ZNF597: variants seen among roughly 807,000 people sequenced by gnomAD.
The protein encoded by ZNF597 is zinc finger protein 597.
Under a neutral mutation model 7.3 loss-of-function variants are expected in ZNF597, and 5 were observed. The observed-to-expected ratio is 0.68, with a 90% CI of 0.36 to 1.44. The LOEUF is 1.44. ZNF597 is among the 40% of genes most tolerant of loss of function. ZNF597 has a pLI of 0.04. For missense variants in ZNF597, 585 were observed against 517.9 expected, an observed-to-expected ratio of 1.13 and a Z score of -1.26; for synonymous variants, 209 against 185.4, an observed-to-expected ratio of 1.13 and a Z score of -1.04.
rs912405507 is a variant in ZNF597, at chr16:3,443,117, T to C, written c.33+4A>G. On this transcript the variant is annotated splice_donor_region_variant and intron_variant, in intron 2 of 3. Transcript: ENST00000301744. Reference sequence around the variant, plus strand: ...ACTTGGACGAAAAAGGTACCTCGACTCACCTGGGCCTCGGGCGTCGGGGGC... The same window carrying C: ...ACTTGGACGAAAAAGGTACCTCGACCCACCTGGGCCTCGGGCGTCGGGGGC... The C allele has an allele frequency of 6.2e-7, 1 of 1,614,100 alleles. No homozygotes were observed. Among genetic ancestry groups the C allele is most frequent in the Non-Finnish European group, 8.5e-7 (1 of 1,179,992 alleles).
chr16:3,443,302 T>A, intron 1 of ZNF597, 58 bp downstream of exon 1: 1 of 694,284 alleles, frequency 1.4e-6, no homozygotes, highest in Non-Finnish European at 2.2e-6. Flanking sequence ...AACCCCCCCT[T>A]AAAAACCTAC....
chr16:3,443,239 C>T, intron 1 of ZNF597, 33 bp from the exon 2 acceptor site: 1 of 1,413,406 alleles, frequency 7.1e-7, no homozygotes. Context: ...TTAAAGGGAC[C>T]AATTCCGCTG....
At chr16:3,438,161 G>A (rs1170788821) in intron 3 of ZNF597, among the ~76,000 whole-genome samples, 1 of 148,978 alleles carries the variant, frequency 6.7e-6, no homozygotes, top group Non-Finnish European at 1.5e-5. Flanking sequence ...GAGCTCAGGA[G>A]TTTGAGATGT....
rs748803677 is a variant in ZNF597 at position 3,436,857 on chromosome 16, G to A, written c.842C>T (p.Pro281Leu). ...TNCDKHFNEK[P>L]NLALPEETFV... ...TGTTTCCTCAGGCAAAGCAAGATTT[G>A]GTTTCTCATTAAAATGTTTATCACA... Residue 281 changes from proline to leucine, a missense_variant, in exon 4 of 4, where the codon CCA becomes CTA. Pro to Leu is a moderately conservative substitution (Grantham distance 98). Transcript: ENST00000301744. 1.4e-5 allele frequency: 23 copies of A among 1,613,968 alleles called. No homozygotes were observed. In the South Asian group the frequency reaches 1.9e-4, roughly 13 times the overall value.
chr16:3,442,811 G>C (rs2034408791), intron 2 of ZNF597, among the ~76,000 whole-genome samples: 1 of 152,134 alleles, frequency 6.6e-6, no homozygotes, highest in Admixed American at 6.5e-5. Context: ...ACTCCAGCCA[G>C]ACAAGCAACA....
At position 3,437,164 on chromosome 16, in the gene ZNF597, A is replaced by G. The variant is rs749531628; in HGVS notation, c.535T>C (p.Ser179Pro). The G allele has an allele frequency of 1.2e-5, 20 of 1,614,096 alleles. No homozygotes were observed. The East Asian group carries it at 4.2e-4, about 34-fold the overall frequency. ...CCACATTTATGTTTTTTCTCTCCTG[A>G]ATGAATTTTCTGATGCAAAACTAGG... ...SYLVLHQKIH[S>P]GEKKHKCGDC... Residue 179 changes from serine (S) to proline (P), a missense_variant, in exon 4 of 4, where the codon TCA becomes CCA. Ser to Pro is a moderately conservative substitution (Grantham distance 74). Coordinates refer to ENST00000301744, the MANE Select transcript of ZNF597 (RefSeq NM_152457.3).
At chr16:3,443,090 A>C (rs755588079) in intron 2 of ZNF597, 31 bp downstream of exon 2, 4 of 1,614,148 alleles carry the variant, frequency 2.5e-6, no homozygotes, top group Non-Finnish European at 3.4e-6. Flanking sequence ...AAGCAGCAAT[A>C]AACTTGGACG....
intron 3 of ZNF597, among the ~76,000 whole-genome samples, chr16:3,439,476 A>G (rs1457525338): frequency 1.3e-5 from 2 of 152,208 alleles, no homozygotes; most frequent in Non-Finnish European, 2.9e-5. Context: ...CCTAAAAGGA[A>G]TAACAGAGCA....
rs2150931813 is a variant in ZNF597, at chr16:3,434,516, G to A, written c.*1908C>T. On this transcript the variant is annotated 3_prime_UTR_variant, in exon 4 of 4. Coordinates refer to ENST00000301744, the MANE Select transcript of ZNF597 (RefSeq NM_152457.3). The stretch of plus-strand genomic sequence containing the variant: ...AGCCAAAGTCTGACCTTGACATACA[G>A]AGCAGCACATTGTCTCAACTGTGGA... The A allele has an allele frequency of 6.6e-6, 1 of 152,322 alleles. No homozygotes were observed. The highest frequency in any genetic ancestry group is 1.9e-4 in the East Asian group (1 of 5,190). The allele number at this position is 152,322 out of a possible 1,614,324, so 9.4% of individuals were successfully genotyped here.
chr16:3,440,965 G>C, intron 2 of ZNF597, 32 bp from the exon 3 acceptor site: 1 of 1,605,168 alleles, frequency 6.2e-7, no homozygotes, highest in Non-Finnish European at 8.5e-7. Flanking sequence ...CAGCACAAGA[G>C]GGTGGAGGGT....
At chr16:3,442,555 G>A (rs1344373791) in intron 2 of ZNF597, among the ~76,000 whole-genome samples, 2 of 151,976 alleles carry the variant, frequency 1.3e-5, no homozygotes, top group Admixed American at 6.6e-5. Flanking sequence ...GGCGCCTGTA[G>A]TCCCATCTAC....
At chr16:3,437,585 G>A in intron 3 of ZNF597, 47 bp from the exon 4 acceptor site, 1 of 1,527,592 alleles carries the variant, frequency 6.5e-7, no homozygotes, top group South Asian at 1.3e-5. Flanking sequence ...ATATCTTCAA[G>A]GGATACTGGG....
In ZNF597 at chr16:3,432,595, G is replaced by C. The variant is rs2034266515; in HGVS notation, c.*3829C>G. Reference sequence around the variant, plus strand: ...AAATAGAATTCTGAGGTATCCAAAGGAACTGGAGATTACAGCACATTCTTA... The same window carrying C: ...AAATAGAATTCTGAGGTATCCAAAGCAACTGGAGATTACAGCACATTCTTA... On this transcript the variant is annotated 3_prime_UTR_variant, in exon 4 of 4. Transcript: ENST00000301744. 1.3e-5 allele frequency: 2 copies of C among 152,042 alleles called. No homozygotes were observed. Among genetic ancestry groups the C allele is most frequent in the Admixed American group, 6.6e-5 (1 of 15,266 alleles). The allele number at this position is 152,042 out of a possible 1,614,324, so 9.4% of individuals were successfully genotyped here. A position where few individuals can be genotyped will look rare whatever the true frequency, so the allele number is the denominator to read the frequency against.
chr16:3,438,901 T>G (rs1596267462), intron 3 of ZNF597, among the ~76,000 whole-genome samples: 1 of 152,218 alleles, frequency 6.6e-6, no homozygotes, highest in Non-Finnish European at 1.5e-5. Flanking sequence ...TTTTCCCAAC[T>G]CACTGACTAG....
chr16:3,439,382 C>CA (rs140245759), intron 3 of ZNF597, among the ~76,000 whole-genome samples: 7,228 of 148,386 alleles, frequency 0.049, 361 homozygotes, highest in African/African-American at 0.13. Context: ...GATACTGTAT[C>CA]AAAAAAAAAA....
chr16:3,443,244 C>A, intron 1 of ZNF597, 38 bp from the exon 2 acceptor site: 2 of 1,356,174 alleles, frequency 1.5e-6, no homozygotes, highest in Non-Finnish European at 2.0e-6. Flanking sequence ...GGGACCAATT[C>A]CGCTGCCAAG....
At chr16:3,440,785 G>A in intron 3 of ZNF597, 22 bp downstream of exon 3, 1 of 1,612,230 alleles carries the variant, frequency 6.2e-7, no homozygotes, top group Non-Finnish European at 8.5e-7. Context: ...AGTTCCAGAT[G>A]CAGGAAAAAC....
chr16:3,440,463 T>C (rs1053213290), intron 3 of ZNF597, among the ~76,000 whole-genome samples: 2 of 152,024 alleles, frequency 1.3e-5, no homozygotes, highest in Non-Finnish European at 2.9e-5. Flanking sequence ...TGAAACCCTG[T>C]CTCTACTAAA....
At chr16:3,441,795 ACT>A (rs1042161800) in intron 2 of ZNF597, among the ~76,000 whole-genome samples, 3 of 150,938 alleles carry the variant, frequency 2.0e-5, no homozygotes, top group African/African-American at 7.3e-5. Context: ...AACAAAAAAA[ACT>A]CTGTCTCAAA....
Sources: allele counts gnomAD v4.1 joint callset (sites outside exome capture counted in the v4.1 genomes callset), GRCh38; gene constraint gnomAD v4.1.1; transcripts MANE v1.5; gene names NCBI Gene and HGNC (gene_info 2026-07-23, HGNC 2026-07-21).